DLGAP1: variants seen among roughly 807,000 people sequenced by gnomAD.
The protein encoded by DLGAP1 is DLG associated protein 1.
In DLGAP1, 11 loss-of-function variants were observed where a neutral mutation model predicts 90.8. The observed-to-expected ratio is 0.12, with a 90% CI of 0.08 to 0.20. The LOEUF is 0.20. Among genes scored for constraint, DLGAP1 ranks in the 10% least tolerant of loss-of-function variants. The pLI, the probability that DLGAP1 is intolerant of heterozygous loss-of-function variation, is 1.00. For synonymous variants in DLGAP1, 558 were observed against 540.7 expected (o/e 1.03, Z -0.44); for missense variants, 1,050 against 1,333.8 (o/e 0.79, Z 3.31).
At chr18:3,694,486 T>C (rs902826517) in intron 7 of DLGAP1, among the ~76,000 whole-genome samples, 1 of 152,238 alleles carries the variant, frequency 6.6e-6, no homozygotes, top group Admixed American at 6.5e-5. Flanking sequence ...TTGAACTAAT[T>C]TACAATCCCA....
intron 7 of DLGAP1, among the ~76,000 whole-genome samples, chr18:3,700,274 T>G (rs2061236875): frequency 6.6e-6 from 1 of 152,210 alleles, no homozygotes; most frequent in Non-Finnish European, 1.5e-5. Flanking sequence ...GGGAATCTCC[T>G]GGTTTGCGGG....
intron 1 of DLGAP1, among the ~76,000 whole-genome samples, chr18:4,369,375 A>G (rs2081861596): frequency 6.6e-6 from 1 of 152,164 alleles, no homozygotes. Context: ...TCTCCTGCTG[A>G]CAAGAGATCC....
chr18:3,940,631 T>C (rs2072748053), intron 3 of DLGAP1, among the ~76,000 whole-genome samples: 1 of 152,170 alleles, frequency 6.6e-6, no homozygotes, highest in African/African-American at 2.4e-5. Flanking sequence ...CTAGTTCAGG[T>C]AAAATCAAGT....
At chr18:4,359,155 T>C (rs2081582569) in intron 1 of DLGAP1, among the ~76,000 whole-genome samples, 1 of 152,166 alleles carries the variant, frequency 6.6e-6, no homozygotes, top group Non-Finnish European at 1.5e-5. Flanking sequence ...AGCAAAGATA[T>C]TAGTGAGGAG....
In DLGAP1 at chr18:3,663,943, G is replaced by T. The variant is rs2059777723; in HGVS notation, c.1591+65192C>A. Reference sequence around the variant, plus strand: ...CTAAGGTGGGTGGGTCTTGTCCAATGAGTTGAAGTCCTGAATAGAACAAAA... The same window carrying T: ...CTAAGGTGGGTGGGTCTTGTCCAATTAGTTGAAGTCCTGAATAGAACAAAA... On this transcript the variant is annotated intron_variant, in intron 7 of 12. Coordinates refer to ENST00000315677, the MANE Select transcript of DLGAP1 (RefSeq NM_004746.4). Among the ~76,000 whole-genome samples the T allele has an allele frequency of 2.0e-5, 3 of 152,152 alleles. No homozygotes were observed. In the South Asian group the frequency reaches 6.2e-4, roughly 32 times the overall value.
At chr18:4,063,181 G>T (rs1168898119) in intron 2 of DLGAP1, among the ~76,000 whole-genome samples, 1 of 152,036 alleles carries the variant, frequency 6.6e-6, no homozygotes, top group Non-Finnish European at 1.5e-5. Flanking sequence ...TCTAATGAGA[G>T]GCGATAAATG....
At chr18:4,252,302 G>A (rs539281878) in intron 1 of DLGAP1, among the ~76,000 whole-genome samples, 2 of 152,222 alleles carry the variant, frequency 1.3e-5, no homozygotes, top group Non-Finnish European at 2.9e-5. Context: ...GTGAGAGTGT[G>A]AATGATATCT....
chr18:4,095,989 T>A (rs1293787255), intron 2 of DLGAP1, among the ~76,000 whole-genome samples: 2 of 152,168 alleles, frequency 1.3e-5, no homozygotes, highest in Non-Finnish European at 2.9e-5. Flanking sequence ...ATGATGATGA[T>A]TATTTTTTAC....
chr18:4,254,637 CA>C (rs1791752777), intron 1 of DLGAP1, among the ~76,000 whole-genome samples: 1 of 151,946 alleles, frequency 6.6e-6, no homozygotes, highest in South Asian at 2.1e-4. Flanking sequence ...ACATTGAGAC[CA>C]AATTCTAAGG....
At chr18:4,055,016 G>C (rs2075192740) in intron 2 of DLGAP1, among the ~76,000 whole-genome samples, 1 of 152,200 alleles carries the variant, frequency 6.6e-6, no homozygotes, top group Non-Finnish European at 1.5e-5. Flanking sequence ...GGAGCAGAAA[G>C]TTGATGGTAT....
At chr18:3,966,986 C>G (rs181964374) in intron 3 of DLGAP1, among the ~76,000 whole-genome samples, 8 of 152,194 alleles carry the variant, frequency 5.3e-5, no homozygotes, top group African/African-American at 1.9e-4. Flanking sequence ...AGGAGAAAGC[C>G]AGGTTTTCTA....
At chr18:3,983,366 C>T (rs1365144376) in intron 3 of DLGAP1, 2 of 152,072 alleles carry the variant, frequency 1.3e-5, no homozygotes, top group East Asian at 3.9e-4. Context: ...TTCAACATTC[C>T]CCAAATAAAG....
intron 2 of DLGAP1, among the ~76,000 whole-genome samples, chr18:4,111,202 GTATTACATTA>G (rs1158868887): frequency 6.6e-6 from 1 of 152,032 alleles, no homozygotes; most frequent in Non-Finnish European, 1.5e-5. Context: ...TTGATATGAT[GTATTACATTA>G]TTTGAGTTTT....
intron 7 of DLGAP1, among the ~76,000 whole-genome samples, chr18:3,696,775 C>T (rs1028757235): frequency 6.6e-6 from 1 of 152,166 alleles, no homozygotes; most frequent in African/African-American, 2.4e-5. Context: ...AGAAATGGTA[C>T]CAGCTCCTCT....
intron 7 of DLGAP1, among the ~76,000 whole-genome samples, chr18:3,656,763 C>T (rs189990599): frequency 5.3e-5 from 8 of 151,434 alleles, no homozygotes; most frequent in Admixed American, 6.6e-5. Context: ...GACAGAGTCT[C>T]GCTCTGTCAC....
chr18:3,530,801 C>T (rs1454093542), intron 10 of DLGAP1, among the ~76,000 whole-genome samples: 2 of 152,126 alleles, frequency 1.3e-5, no homozygotes, highest in African/African-American at 4.8e-5. Context: ...TTTACTTTTC[C>T]ACTGCCAAGT....
intron 2 of DLGAP1, among the ~76,000 whole-genome samples, chr18:4,030,399 A>G (rs2149128377): frequency 6.6e-6 from 1 of 152,338 alleles, no homozygotes; most frequent in Non-Finnish European, 1.5e-5. Flanking sequence ...ATACCCTGAG[A>G]ATGACCTTAT....
intron 1 of DLGAP1, among the ~76,000 whole-genome samples, chr18:4,445,529 T>C (rs1375439919): frequency 6.9e-6 from 1 of 144,254 alleles, no homozygotes; most frequent in African/African-American, 2.6e-5. Flanking sequence ...TTCCCACCTA[T>C]GAGTGAGAAT....
intron 3 of DLGAP1, among the ~76,000 whole-genome samples, chr18:3,890,500 T>C (rs144960869): frequency 0.012 from 1,777 of 152,330 alleles, 38 homozygotes; most frequent in African/African-American, 0.04. Context: ...TGTCTTCCCA[T>C]CATTTTTAAA....
Sources: gnomAD v4.1 joint callset for allele counts (sites outside exome capture counted in the v4.1 genomes callset) on GRCh38, gnomAD v4.1.1 for gene constraint, MANE v1.5 for transcripts, NCBI Gene and HGNC (gene_info 2026-07-23, HGNC 2026-07-21) for gene names.